The following WWOX variants were observed in gnomAD, a reference collection of about 807,000 sequenced individuals.
WWOX encodes WW domain-containing oxidoreductase.
A neutral mutation model predicts 46.2 loss-of-function variants in WWOX; 69 were observed. The observed-to-expected ratio is 1.49, with a 90% CI of 1.23 to 1.82. The LOEUF (loss-of-function observed/expected upper bound fraction) is 1.82. WWOX is among the 40% of genes most tolerant of loss of function. WWOX has a pLI of 0.00. For synonymous variants in WWOX, 359 were observed against 202.6 expected, an observed-to-expected ratio of 1.77 and a Z score of -6.56; for missense variants, 919 against 542.6, an observed-to-expected ratio of 1.69 and a Z score of -6.89.
At chr16:78,806,882 G>C (rs1051165963) in intron 8 of WWOX, among the ~76,000 whole-genome samples, 1 of 152,150 alleles carries the variant, frequency 6.6e-6, no homozygotes, top group Non-Finnish European at 1.5e-5. Flanking sequence ...TTCGTGTCCT[G>C]CAGTGGGATA....
chr16:78,886,941 G>A (rs909252664), intron 8 of WWOX, among the ~76,000 whole-genome samples: 1 of 152,022 alleles, frequency 6.6e-6, no homozygotes, highest in African/African-American at 2.4e-5. Context: ...CTATGAAAGT[G>A]AATATAAAAT....
intron 8 of WWOX, among the ~76,000 whole-genome samples, chr16:78,655,400 TA>T (rs2047058212): frequency 1.3e-5 from 2 of 152,210 alleles, no homozygotes. Flanking sequence ...ACAAGTAAAT[TA>T]AACAAGTAAT....
intron 8 of WWOX, among the ~76,000 whole-genome samples, chr16:78,519,073 T>C (rs1305585862): frequency 5.3e-5 from 8 of 152,224 alleles, no homozygotes; most frequent in Admixed American, 1.3e-4. Flanking sequence ...GAGACAGCTA[T>C]AGATGGATGT....
intron 8 of WWOX, among the ~76,000 whole-genome samples, chr16:79,177,576 A>T (rs1434697600): frequency 6.6e-6 from 1 of 152,156 alleles, no homozygotes; most frequent in Non-Finnish European, 1.5e-5. Flanking sequence ...CTTTTATTTG[A>T]AAATGGGTGA....
Position 78,871,643 on chromosome 16 carries a change from A to G in WWOX, c.1057-339965A>G, listed in dbSNP as rs187876653. Among the ~76,000 whole-genome samples the G allele has an allele frequency of 1.9e-4, 29 of 152,356 alleles. No individual in the cohort carries two copies. In the East Asian group the frequency reaches 4.8e-3, roughly 25 times the overall value. ...AGAAATGGCTATTACCAGGTTGCTC[A>G]GGCTGGAGTGCAGTAGTGCAATTTC... is the stretch of plus-strand genomic sequence containing the variant. On this transcript the variant is annotated intron_variant, in intron 8 of 8. Transcript: ENST00000566780.
intron 8 of WWOX, among the ~76,000 whole-genome samples, chr16:78,961,018 C>G (rs1211065246): frequency 6.6e-6 from 1 of 152,116 alleles, no homozygotes; most frequent in African/African-American, 2.4e-5. Flanking sequence ...GATGAGATGT[C>G]TGTAAAAGTA....
intron 8 of WWOX, among the ~76,000 whole-genome samples, chr16:78,955,736 C>T (rs2046152692): frequency 6.6e-6 from 1 of 151,708 alleles, no homozygotes; most frequent in Non-Finnish European, 1.5e-5. Context: ...CAGCCTCAGC[C>T]TCCTAAACTC....
intron 8 of WWOX, among the ~76,000 whole-genome samples, chr16:78,825,059 A>T (rs946920808): frequency 2.6e-5 from 4 of 152,168 alleles, no homozygotes; most frequent in African/African-American, 4.8e-5. Flanking sequence ...GCTAGGGGAA[A>T]ATGGTAATAC....
At chr16:78,955,104 G>A (rs1353305433) in intron 8 of WWOX, among the ~76,000 whole-genome samples, 1 of 152,140 alleles carries the variant, frequency 6.6e-6, no homozygotes, top group Non-Finnish European at 1.5e-5. Flanking sequence ...GAGAGAAAGT[G>A]ACAGTTGAAG....
intron 8 of WWOX, among the ~76,000 whole-genome samples, chr16:78,868,191 AG>A (rs1567614468): frequency 6.6e-6 from 1 of 152,230 alleles, no homozygotes; most frequent in African/African-American, 2.4e-5. Context: ...AATACTACTC[AG>A]CAATGAAAAG....
intron 8 of WWOX, among the ~76,000 whole-genome samples, chr16:78,867,510 G>T (rs942445982): frequency 7.0e-6 from 1 of 143,660 alleles, no homozygotes; most frequent in Non-Finnish European, 1.5e-5. Flanking sequence ...GTGTGTGTGT[G>T]TATGTGTGTG....
chr16:78,557,689 A>ATTTTTTTTTTGTTTTTTTTT (rs2044336642), intron 8 of WWOX, among the ~76,000 whole-genome samples: 1 of 96,648 alleles, frequency 1.0e-5, no homozygotes, highest in African/African-American at 5.2e-5. Context: ...CTAGGGAAGG[A>ATTTTTTTTTTGTTTTTTTTT]TTTTTTTTTT....
chr16:78,836,037 G>T (rs2151163359), intron 8 of WWOX, among the ~76,000 whole-genome samples: 1 of 152,302 alleles, frequency 6.6e-6, no homozygotes, highest in East Asian at 1.9e-4. Flanking sequence ...AATACATAGT[G>T]ACATGAAAAT....
At chr16:78,490,534 C>G (rs2084756243) in intron 8 of WWOX, among the ~76,000 whole-genome samples, 1 of 152,098 alleles carries the variant, frequency 6.6e-6, no homozygotes, top group Non-Finnish European at 1.5e-5. Flanking sequence ...CAATGCTGGG[C>G]TAGTTTCAGA....
intron 5 of WWOX, among the ~76,000 whole-genome samples, chr16:78,383,383 T>C (rs1376918073): frequency 6.6e-6 from 1 of 152,102 alleles, no homozygotes; most frequent in Non-Finnish European, 1.5e-5. Context: ...AATCTATAAT[T>C]AGTTTCAAAT....
At chr16:79,163,550 G>T (rs961344303) in intron 8 of WWOX, among the ~76,000 whole-genome samples, 15 of 152,158 alleles carry the variant, frequency 9.9e-5, no homozygotes, top group Non-Finnish European at 1.9e-4. Context: ...TGTAATCCCA[G>T]CACTTTGGGA....
rs571242746 is a variant in WWOX at position 78,331,908 on chromosome 16, T to C, written c.517-54952T>C. On this transcript the variant is annotated intron_variant, in intron 5 of 8. Coordinates refer to ENST00000566780, the MANE Select transcript of WWOX (RefSeq NM_016373.4). Reference sequence around the variant, plus strand: ...CACAGAAACTAAGATTTAGAGAGGTTATGCAATGTGCCAACAGGGAGAAGT... The same window carrying C: ...CACAGAAACTAAGATTTAGAGAGGTCATGCAATGTGCCAACAGGGAGAAGT... Among the ~76,000 whole-genome samples the C allele has an allele frequency of 2.0e-5, 3 of 152,290 alleles. No individual in the cohort carries two copies. In the South Asian group the frequency reaches 6.2e-4, roughly 32 times the overall value.
At chr16:79,076,525 T>C (rs1364845751) in intron 8 of WWOX, among the ~76,000 whole-genome samples, 3 of 152,218 alleles carry the variant, frequency 2.0e-5, no homozygotes, top group Non-Finnish European at 4.4e-5. Context: ...CAGCCCCCGC[T>C]GTCCTAGAAC....
intron 8 of WWOX, among the ~76,000 whole-genome samples, chr16:78,610,894 A>G (rs1597345048): frequency 6.6e-6 from 1 of 152,284 alleles, no homozygotes; most frequent in South Asian, 2.1e-4. Flanking sequence ...TAATGACAGG[A>G]AGCCTACAAT....
Sources: allele counts gnomAD v4.1 joint callset (sites outside exome capture counted in the v4.1 genomes callset), GRCh38; gene constraint gnomAD v4.1.1; transcripts MANE v1.5; gene names NCBI Gene and HGNC (gene_info 2026-07-23, HGNC 2026-07-21).